The following SDK1 variants were observed in gnomAD, a reference collection of about 807,000 sequenced individuals.
SDK1 encodes sidekick cell adhesion molecule 1.
In SDK1, 157 loss-of-function variants were observed where a neutral mutation model predicts 245.5. The observed-to-expected ratio is 0.64, with a 90% CI of 0.56 to 0.73. SDK1 has a LOEUF of 0.73. SDK1 is among the 30% of genes least tolerant of loss of function. The pLI, the probability that SDK1 is intolerant of heterozygous loss-of-function variation, is 0.00. For synonymous variants in SDK1, 1,647 were observed against 1,278.5 expected, an observed-to-expected ratio of 1.29 and a Z score of -6.15; for missense variants, 3,583 against 3,002.3, an observed-to-expected ratio of 1.19 and a Z score of -4.52.
chr7:3,700,534 A>G (rs898717648), intron 4 of SDK1, among the ~76,000 whole-genome samples: 4 of 152,208 alleles, frequency 2.6e-5, no homozygotes, highest in African/African-American at 9.6e-5. Context: ...TAAAGCAACC[A>G]CTAAAAAGCT....
intron 17 of SDK1, among the ~76,000 whole-genome samples, chr7:4,046,788 C>T (rs191800822): frequency 1.3e-5 from 2 of 151,886 alleles, no homozygotes; most frequent in East Asian, 1.9e-4. Flanking sequence ...TTTAGAATCA[C>T]CTTTTCAATG....
At chr7:3,328,902 G>A (rs1780000160) in intron 1 of SDK1, among the ~76,000 whole-genome samples, 1 of 152,060 alleles carries the variant, frequency 6.6e-6, no homozygotes, top group Admixed American at 6.6e-5. Context: ...ACTTTGTGCA[G>A]TTTGACATAT....
chr7:4,074,521 A>G, intron 20 of SDK1, among the ~76,000 whole-genome samples: 1 of 152,072 alleles, frequency 6.6e-6, no homozygotes, highest in East Asian at 1.9e-4. Context: ...TAGATGTCTT[A>G]GACGTCAGGG....
chr7:3,719,068 T>C (rs1041374523), intron 4 of SDK1, among the ~76,000 whole-genome samples: 1 of 152,180 alleles, frequency 6.6e-6, no homozygotes, highest in African/African-American at 2.4e-5. Flanking sequence ...TGGGAACAAA[T>C]CTTGTTTGTA....
intron 1 of SDK1, among the ~76,000 whole-genome samples, chr7:3,524,728 T>C (rs1270022085): frequency 2.6e-5 from 4 of 152,160 alleles, no homozygotes; most frequent in Admixed American, 2.0e-4. Context: ...CTTTGAGAAG[T>C]CTGTTAGGTA....
At chr7:3,777,959 A>G (rs762308697) in intron 4 of SDK1, among the ~76,000 whole-genome samples, 1 of 152,252 alleles carries the variant, frequency 6.6e-6, no homozygotes, top group African/African-American at 2.4e-5. Flanking sequence ...AAGGATCAGC[A>G]GGGAATGATG....
At chr7:3,552,970 T>C (rs1334799301) in intron 1 of SDK1, among the ~76,000 whole-genome samples, 6 of 152,218 alleles carry the variant, frequency 3.9e-5, no homozygotes, top group Admixed American at 3.9e-4. Context: ...GTTTTTCTTA[T>C]TACATTTTTT....
intron 4 of SDK1, among the ~76,000 whole-genome samples, chr7:3,741,666 C>T (rs1387692816): frequency 1.2e-4 from 19 of 152,164 alleles, no homozygotes; most frequent in Admixed American, 1.2e-3. Context: ...TTTACATTTA[C>T]AATCCCATTT....
intron 25 of SDK1, among the ~76,000 whole-genome samples, chr7:4,123,056 G>C (rs1398484386): frequency 1.3e-5 from 2 of 152,150 alleles, no homozygotes; most frequent in Non-Finnish European, 2.9e-5. Context: ...CTCCAGGGAC[G>C]GGGTTGGCTC....
chr7:3,502,478 G>A (rs1273056094), intron 1 of SDK1, among the ~76,000 whole-genome samples: 2 of 152,122 alleles, frequency 1.3e-5, no homozygotes, highest in Non-Finnish European at 2.9e-5. Flanking sequence ...TTGAACTCCT[G>A]ACCTCAGGTG....
At chr7:3,833,093 A>G (rs999223859) in intron 5 of SDK1, among the ~76,000 whole-genome samples, 2 of 152,150 alleles carry the variant, frequency 1.3e-5, no homozygotes, top group African/African-American at 4.8e-5. Context: ...TGTGAAGGCT[A>G]TAACGGTTTT....
At chr7:3,705,630 T>G (rs1326583736) in intron 4 of SDK1, among the ~76,000 whole-genome samples, 6 of 152,114 alleles carry the variant, frequency 3.9e-5, no homozygotes, top group Non-Finnish European at 8.8e-5. Flanking sequence ...ACTAAATTCA[T>G]TTATCGAATC....
chr7:3,999,711 A>G (rs1248746389), intron 14 of SDK1, among the ~76,000 whole-genome samples: 1 of 152,192 alleles, frequency 6.6e-6, no homozygotes, highest in East Asian at 1.9e-4. Flanking sequence ...GCTGAAATGG[A>G]CTGCTTTATA....
At chr7:4,153,138 C>G (rs611712) in intron 30 of SDK1, among the ~76,000 whole-genome samples, 21,693 of 151,866 alleles carry the variant, frequency 0.14, 1,633 homozygotes, top group South Asian at 0.18. Context: ...GCGGGGGTTC[C>G]AAACAGAAGA....
At chr7:3,804,358 C>G (rs1217442853) in intron 4 of SDK1, among the ~76,000 whole-genome samples, 1 of 152,172 alleles carries the variant, frequency 6.6e-6, no homozygotes, top group Non-Finnish European at 1.5e-5. Context: ...CCTTCCTTCA[C>G]AGATTGGTTT....
At chr7:3,509,771 A>G (rs1782517660) in intron 1 of SDK1, among the ~76,000 whole-genome samples, 1 of 152,216 alleles carries the variant, frequency 6.6e-6, no homozygotes, top group African/African-American at 2.4e-5. Context: ...GGATTTCTGT[A>G]AGAAAAGCAG....
chr7:3,801,702 C>T (rs1316476217), intron 4 of SDK1, among the ~76,000 whole-genome samples: 1 of 152,212 alleles, frequency 6.6e-6, no homozygotes, highest in Non-Finnish European at 1.5e-5. Context: ...GCATCTCTGT[C>T]TCTCTGGTTC....
intron 33 of SDK1, 98 bp from the exon 34 acceptor site, chr7:4,175,677 C>T: frequency 1.0e-6 from 1 of 1,001,976 alleles, no homozygotes; most frequent in East Asian, 2.4e-5. Flanking sequence ...GGCTGGCATC[C>T]CAGTAAGGCA....
chr7:4,029,393 T>C (rs1260653537), intron 17 of SDK1, among the ~76,000 whole-genome samples: 1 of 151,994 alleles, frequency 6.6e-6, no homozygotes, highest in Non-Finnish European at 1.5e-5. Context: ...GTATTTTTAG[T>C]GGAGACAGGA....
Sources: allele counts gnomAD v4.1 joint callset (sites outside exome capture counted in the v4.1 genomes callset), GRCh38; gene constraint gnomAD v4.1.1; transcripts MANE v1.5; gene names NCBI Gene and HGNC (gene_info 2026-07-23, HGNC 2026-07-21).